Variants in LRBA observed in about 807,000 individuals in gnomAD.
LRBA encodes LPS responsive beige-like anchor protein.
A neutral mutation model predicts 330.0 loss-of-function variants in LRBA; 176 were observed. The ratio of observed to expected loss-of-function variants is 0.53; its 90% CI spans 0.47 to 0.60. The LOEUF (loss-of-function observed/expected upper bound fraction) is 0.60. Ranked by LOEUF, LRBA falls within the 20% of genes least tolerant of loss-of-function variation. LRBA has a pLI of 0.00. For missense variants in LRBA, 3,259 were observed against 3,444.8 expected (o/e 0.95, Z 1.35); for synonymous variants, 1,230 against 1,193.0 (o/e 1.03, Z -0.64).
intron 35 of LRBA, among the ~76,000 whole-genome samples, chr4:150,754,751 G>GA (rs967682393): frequency 4.0e-5 from 6 of 150,822 alleles, no homozygotes; most frequent in South Asian, 2.1e-4. Flanking sequence ...TCTCTTAAAA[G>GA]AAAAAAAAAT....
At chr4:150,737,148 T>C (rs1731287315) in intron 35 of LRBA, among the ~76,000 whole-genome samples, 1 of 151,548 alleles carries the variant, frequency 6.6e-6, no homozygotes, top group South Asian at 2.1e-4. Context: ...AGTCAATGAG[T>C]TTCAAGTTAT....
intron 34 of LRBA, among the ~76,000 whole-genome samples, chr4:150,768,063 C>CAAA (rs777328686): frequency 1.2e-3 from 67 of 57,868 alleles, no homozygotes; most frequent in Non-Finnish European, 1.7e-3. Context: ...GACTCTGTCT[C>CAAA]AAAAAAAAAA....
intron 30 of LRBA, among the ~76,000 whole-genome samples, chr4:150,824,120 G>T (rs2126794596): frequency 6.6e-6 from 1 of 152,074 alleles, no homozygotes; most frequent in East Asian, 1.9e-4. Context: ...ATGTTTTATA[G>T]TTGTCACTGA....
chr4:150,886,635 A>C (rs914791346), intron 17 of LRBA, among the ~76,000 whole-genome samples: 18 of 152,292 alleles, frequency 1.2e-4, no homozygotes, highest in African/African-American at 4.3e-4. Flanking sequence ...GGTTTGAAAA[A>C]TGAAGGGACA....
At chr4:150,996,814 C>A (rs1041955742) in intron 2 of LRBA, among the ~76,000 whole-genome samples, 1 of 152,046 alleles carries the variant, frequency 6.6e-6, no homozygotes, top group African/African-American at 2.4e-5. Flanking sequence ...GTCCAAATGC[C>A]ATCTTACTAA....
chr4:150,882,026 C>T (rs905391155), intron 17 of LRBA, among the ~76,000 whole-genome samples: 4 of 151,590 alleles, frequency 2.6e-5, no homozygotes, highest in African/African-American at 9.7e-5. Context: ...GCAGAAGTTG[C>T]AGTGAGCTGA....
chr4:150,537,940 G>A (rs1764855452), intron 40 of LRBA, among the ~76,000 whole-genome samples: 2 of 152,000 alleles, frequency 1.3e-5, no homozygotes, highest in Non-Finnish European at 2.9e-5. Flanking sequence ...GGGTGACAGA[G>A]CGAGACTCTG....
Position 150,303,210 on chromosome 4 carries a change from T to C in LRBA, c.7850-418A>G, listed in dbSNP as rs1284846334. ...TGCTTTTCTGTAAAAGTACTCATAA[T>C]TTAGATGTCACTAATAAAAACCTAT... is the stretch of plus-strand genomic sequence containing the variant. On this transcript the variant is annotated intron_variant, in intron 52 of 56. Transcript: ENST00000651943. Among the ~76,000 whole-genome samples the C allele has an allele frequency of 2.0e-5, 3 of 152,256 alleles. No individual in the cohort carries two copies. The East Asian group carries it at 5.8e-4, about 29-fold the overall frequency.
intron 53 of LRBA, among the ~76,000 whole-genome samples, chr4:150,295,891 A>G (rs1560977171): frequency 6.6e-6 from 1 of 152,042 alleles, no homozygotes; most frequent in African/African-American, 2.4e-5. Context: ...TTGAGACTTC[A>G]TTTGTTGTTT....
intron 40 of LRBA, among the ~76,000 whole-genome samples, chr4:150,506,045 A>T (rs1487953637): frequency 6.6e-6 from 1 of 152,252 alleles, no homozygotes; most frequent in Non-Finnish European, 1.5e-5. Context: ...TGAATCTCTG[A>T]ATAGACCAAT....
intron 26 of LRBA, among the ~76,000 whole-genome samples, chr4:150,846,516 A>G (rs533146659): frequency 1.3e-5 from 2 of 151,108 alleles, no homozygotes; most frequent in African/African-American, 4.9e-5. Context: ...GCGACAGAGT[A>G]AGGCTCCATC....
chr4:150,346,756 T>TC (rs1186974292), intron 48 of LRBA, among the ~76,000 whole-genome samples: 1 of 31,006 alleles, frequency 3.2e-5, no homozygotes, highest in African/African-American at 1.4e-4. Context: ...AGACTCTGTC[T>TC]CAAAAAAAAA....
At chr4:150,730,371 A>G (rs935589858) in intron 36 of LRBA, among the ~76,000 whole-genome samples, 7 of 152,146 alleles carry the variant, frequency 4.6e-5, no homozygotes, top group African/African-American at 1.7e-4. Flanking sequence ...AGACATATAA[A>G]TGGCAAACAG....
intron 47 of LRBA, among the ~76,000 whole-genome samples, chr4:150,370,810 T>A (rs1275778185): frequency 6.6e-6 from 1 of 152,210 alleles, no homozygotes; most frequent in Non-Finnish European, 1.5e-5. Flanking sequence ...TCTGCTCAAA[T>A]TTTCTGTAAG....
chr4:150,487,917 A>C, intron 41 of LRBA, 83 bp from the exon 42 acceptor site: 1 of 628,162 alleles, frequency 1.6e-6, no homozygotes, highest in South Asian at 2.4e-5. Flanking sequence ...TAAAATATTT[A>C]CTTTTAATTC....
At position 150,321,525 on chromosome 4, in the gene LRBA, G is replaced by C; in HGVS notation, c.7453-157C>G. The C allele has an allele frequency of 3.5e-6, 2 of 570,864 alleles. No homozygotes were observed. Among genetic ancestry groups the C allele is most frequent in the Non-Finnish European group, 5.8e-6 (2 of 343,918 alleles). The allele number at this position is 570,864 out of a possible 1,614,324, so 35.4% of individuals were successfully genotyped here. A position where few individuals can be genotyped will look rare whatever the true frequency, so the allele number is the denominator to read the frequency against. ...GGAAGCACAGTGAGCAGAAAGGCTT[G>C]TAGAAACAGCAGTCATGATCTGTTA... On this transcript the variant is annotated intron_variant, in intron 49 of 56. Coordinates refer to ENST00000651943, the MANE Select transcript of LRBA (RefSeq NM_001364905.1). This position sits in a 1 kb window ranked among gnomAD's most constrained non-coding sequence, Gnocchi z 4.5.
chr4:150,351,753 C>T (rs1268727027), intron 47 of LRBA, among the ~76,000 whole-genome samples: 4 of 152,130 alleles, frequency 2.6e-5, no homozygotes, highest in African/African-American at 7.2e-5. Context: ...GTATGTTCTT[C>T]GAAGACCCCC....
intron 4 of LRBA, 118 bp from the exon 5 acceptor site, chr4:150,921,411 T>A: frequency 4.7e-6 from 3 of 642,968 alleles, no homozygotes; most frequent in Non-Finnish European, 8.3e-6. Context: ...GTTAAAAGCA[T>A]AGAAAATAAT....
chr4:150,802,491 A>G (rs1741807823), intron 33 of LRBA, among the ~76,000 whole-genome samples: 1 of 152,110 alleles, frequency 6.6e-6, no homozygotes, highest in Non-Finnish European at 1.5e-5. Context: ...GATCCAGTGA[A>G]CTCACATATA....
Sources: gnomAD v4.1 joint callset for allele counts (sites outside exome capture counted in the v4.1 genomes callset) on GRCh38, gnomAD v4.1.1 for gene constraint, Gnocchi (gnomAD v3.1) non-coding constraint, MANE v1.5 for transcripts, NCBI Gene and HGNC (gene_info 2026-07-23, HGNC 2026-07-21) for gene names.